TRPC4: variants seen among roughly 807,000 people sequenced by gnomAD.
TRPC4 encodes short transient receptor potential channel 4.
TRPC4 carries 49 observed loss-of-function variants against 99.4 expected under a neutral mutation model. The observed-to-expected ratio is 0.49, with a 90% CI of 0.39 to 0.63. The LOEUF (loss-of-function observed/expected upper bound fraction) is 0.63, where lower values mean the gene tolerates loss of function less well. TRPC4 is among the 20% of genes least tolerant of loss of function. TRPC4 has a pLI of 0.00. For missense variants in TRPC4, 898 were observed against 1,152.9 expected (o/e 0.78, Z 3.20); for synonymous variants, 454 against 425.9 (o/e 1.07, Z -0.81).
chr13:37,705,930 C>T (rs1954259990), intron 3 of TRPC4, among the ~76,000 whole-genome samples: 1 of 144,716 alleles, frequency 6.9e-6, no homozygotes. Context: ...CTGGAATTAA[C>T]CATCTCCTGA....
intron 3 of TRPC4, among the ~76,000 whole-genome samples, chr13:37,726,707 G>T (rs1014557936): frequency 7.2e-5 from 11 of 152,104 alleles, no homozygotes; most frequent in South Asian, 2.1e-4. Flanking sequence ...CTTTCTACAA[G>T]AGACTCACCT....
chr13:37,712,892 G>C (rs1954531625), intron 3 of TRPC4, among the ~76,000 whole-genome samples: 1 of 152,136 alleles, frequency 6.6e-6, no homozygotes, highest in Admixed American at 6.6e-5. Flanking sequence ...AAAAGAGAAA[G>C]AAATGCATGA....
intron 2 of TRPC4, among the ~76,000 whole-genome samples, chr13:37,777,416 C>A (rs1956736683): frequency 2.6e-5 from 4 of 151,896 alleles, no homozygotes. Context: ...ACAACCAGAT[C>A]TTGTGAGAAG....
chr13:37,653,410 GAAGA>G (rs201576117), intron 7 of TRPC4, among the ~76,000 whole-genome samples: 7,661 of 150,730 alleles, frequency 0.051, 359 homozygotes, highest in Admixed American at 0.14. Context: ...AAAGAAAGAG[GAAGA>G]AAGAAAGAAA....
rs540093827 is a variant in TRPC4 at position 37,745,225 on chromosome 13, G to T, written c.897+712C>A. On this transcript the variant is annotated intron_variant, in intron 3 of 10. Coordinates refer to ENST00000379705, the MANE Select transcript of TRPC4 (RefSeq NM_016179.4). The stretch of plus-strand genomic sequence containing the variant: ...TGTCCCCAAGCATCTGTGGGGGATT[G>T]GTTCCAGGACCTCATGTGGATACCA... Among the ~76,000 whole-genome samples the T allele has an allele frequency of 6.6e-4, 100 of 151,556 alleles. 1 individual carries two copies. Among genetic ancestry groups the T allele is most frequent in the African/African-American group, 2.3e-3 (95 of 41,342 alleles).
Position 37,632,296 on chromosome 13 carries a change from C to T in TRPC4, c.*4607G>A, listed in dbSNP as rs900908532. Among the ~76,000 whole-genome samples, 1 of 152,174 alleles carries T rather than the reference C, an allele frequency of 6.6e-6. No individual in the cohort carries two copies. The highest frequency in any genetic ancestry group is 1.5e-5 in the Non-Finnish European group (1 of 68,038). On this transcript the variant is annotated 3_prime_UTR_variant, in exon 11 of 11. Coordinates refer to ENST00000379705, the MANE Select transcript of TRPC4 (RefSeq NM_016179.4). ...ACATTGTAAAAGGAAAAAGAAACAT[C>T]AAACTCATTTACTTAGTATATTTTA... is the stretch of plus-strand genomic sequence containing the variant.
chr13:37,655,730 A>C (rs930905003), intron 6 of TRPC4, among the ~76,000 whole-genome samples: 5 of 152,116 alleles, frequency 3.3e-5, no homozygotes, highest in African/African-American at 1.2e-4. Flanking sequence ...CATTTTCTAT[A>C]GCTTCTTTTG....
intron 4 of TRPC4, among the ~76,000 whole-genome samples, chr13:37,685,224 A>T (rs1953423785): frequency 6.6e-6 from 1 of 152,184 alleles, no homozygotes. Context: ...AAGAAGTCTT[A>T]AGTACGGACA....
At chr13:37,798,735 A>G (rs1957317874) in intron 1 of TRPC4, among the ~76,000 whole-genome samples, 1 of 152,170 alleles carries the variant, frequency 6.6e-6, no homozygotes, top group African/African-American at 2.4e-5. Flanking sequence ...GCTGAAACCA[A>G]CTATATAAGT....
intron 3 of TRPC4, among the ~76,000 whole-genome samples, chr13:37,692,631 C>G (rs1474859193): frequency 1.3e-5 from 2 of 152,114 alleles, no homozygotes; most frequent in African/African-American, 4.8e-5. Context: ...GCAAAAGATA[C>G]GCTGATAAGT....
chr13:37,653,190 C>T lies in TRPC4; in HGVS notation c.1885-1731G>A, dbSNP rs79336263. 5.0e-3 allele frequency among the ~76,000 whole-genome samples: 759 copies of T among 152,042 alleles called. 2 individuals are homozygous for T. The highest frequency in any genetic ancestry group is 0.017 in the Middle Eastern group (5 of 294). ...TACTATATCATTTTTTTGTTGAAAA[C>T]AGGGACTTTTTAATTCTTTGTATCC... On this transcript the variant is annotated intron_variant, in intron 7 of 10. Transcript: ENST00000379705.
Position 37,791,218 on chromosome 13 carries a change from C to A in TRPC4, c.-27-7858G>T, listed in dbSNP as rs187710242. On this transcript the variant is annotated intron_variant, in intron 1 of 10. Coordinates refer to ENST00000379705, the MANE Select transcript of TRPC4 (RefSeq NM_016179.4). ...ACCAGCCTGGCCAAAATAGTGAAACCCTGTCTCTACTAAAAATATGAAAAA... is the reference window on the plus strand; with the variant it reads ...ACCAGCCTGGCCAAAATAGTGAAACACTGTCTCTACTAAAAATATGAAAAA... 3.6e-3 allele frequency among the ~76,000 whole-genome samples: 549 copies of A among 151,562 alleles called. 2 individuals are homozygous for A. Among genetic ancestry groups the A allele is most frequent in the Middle Eastern group, 0.01 (3 of 294 alleles).
At chr13:37,667,973 T>C (rs1044921547) in intron 5 of TRPC4, among the ~76,000 whole-genome samples, 7 of 152,144 alleles carry the variant, frequency 4.6e-5, no homozygotes, top group African/African-American at 1.7e-4. Flanking sequence ...GGGTTCATGG[T>C]ACTGATCAAG....
chr13:37,782,903 AC>A, intron 2 of TRPC4, 52 bp downstream of exon 2: 2 of 1,414,512 alleles, frequency 1.4e-6, no homozygotes, highest in Admixed American at 5.1e-5. Flanking sequence ...AAAAGAAAAA[AC>A]AAAAAACCTT....
chr13:37,639,544 C>G (rs1951650654), intron 8 of TRPC4, among the ~76,000 whole-genome samples: 1 of 151,804 alleles, frequency 6.6e-6, no homozygotes, highest in African/African-American at 2.4e-5. Flanking sequence ...TGTTCTCATA[C>G]AGGACACAGG....
chr13:37,792,723 TTGTGTGTGTGTGTGTGTGTG>T (rs57918365), intron 1 of TRPC4, among the ~76,000 whole-genome samples: 2 of 146,540 alleles, frequency 1.4e-5, no homozygotes, highest in South Asian at 2.2e-4. Context: ...GCTTCTAAAT[TTGTGTGTGTGTGTGTGTGTG>T]TGTGTGTGTG....
At chr13:37,852,141 T>G (rs1429755916) in intron 1 of TRPC4, among the ~76,000 whole-genome samples, 2 of 152,136 alleles carry the variant, frequency 1.3e-5, no homozygotes, top group Non-Finnish European at 2.9e-5. Flanking sequence ...TGGGGAGACA[T>G]CAGCTGGGGC....
Position 37,674,160 on chromosome 13 carries a change from A to G in TRPC4, c.1374+68T>C, listed in dbSNP as rs766469970. ...CTAGGTAACTTTATTAATAAAATTA[A>G]TATCAGTTGAAAGTATATCATTAAT... is the stretch of plus-strand genomic sequence containing the variant. On this transcript the variant is annotated intron_variant, in intron 5 of 10. Transcript: ENST00000379705. 4.4e-6 allele frequency: 6 copies of G among 1,371,442 alleles called. No individual in the cohort carries two copies. The South Asian group carries it at 7.0e-5, about 16-fold the overall frequency. 85.0% of individuals were successfully genotyped at this position (1,371,442 alleles called of 1,614,324 possible).
intron 3 of TRPC4, among the ~76,000 whole-genome samples, chr13:37,725,265 A>G (rs1414040128): frequency 1.3e-5 from 2 of 152,104 alleles, no homozygotes; most frequent in Non-Finnish European, 1.5e-5. Flanking sequence ...AAGTGGACCA[A>G]TATATACATT....
Sources: allele counts gnomAD v4.1 joint callset (sites outside exome capture counted in the v4.1 genomes callset), GRCh38; gene constraint gnomAD v4.1.1; transcripts MANE v1.5; gene names NCBI Gene and HGNC (gene_info 2026-07-23, HGNC 2026-07-21).